The following KIF21B variants were observed in gnomAD, a reference collection of about 807,000 sequenced individuals.
KIF21B encodes kinesin family member 21B, also known as kinesin-like protein KIF21B.
Under a neutral mutation model 192.9 loss-of-function variants are expected in KIF21B, and 85 were observed. The ratio of observed to expected loss-of-function variants is 0.44; its 90% CI spans 0.37 to 0.53. The LOEUF (loss-of-function observed/expected upper bound fraction) is 0.53, where lower values mean the gene tolerates loss of function less well. KIF21B is among the 20% of genes least tolerant of loss of function. The probability of loss-of-function intolerance (pLI) is 0.00; values close to 1 mark genes in which losing one functional copy is unlikely to be tolerated. For missense variants in KIF21B, 1,716 were observed against 2,194.8 expected (o/e 0.78, Z 4.36); for synonymous variants, 832 against 884.6 (o/e 0.94, Z 1.05).
At chr1:201,022,436 C>A (rs1438063827) in intron 1 of KIF21B, among the ~76,000 whole-genome samples, 4 of 152,196 alleles carry the variant, frequency 2.6e-5, no homozygotes, top group Admixed American at 2.6e-4. Flanking sequence ...AAGAGAAAAA[C>A]CCAAAGCAAA....
Position 201,000,452 on chromosome 1 carries a change from G to T in KIF21B, c.1623C>A (p.Ile541=), listed in dbSNP as rs766686164. The change falls in exon 11 of 35, where the codon ATC becomes ATA. Residue 541 remains isoleucine (I), a synonymous_variant. Coordinates refer to ENST00000461742, the MANE Select transcript of KIF21B (RefSeq NM_001252102.2). This position sits in a 1 kb window ranked among gnomAD's most constrained non-coding sequence, Gnocchi z 6.0. ...ASSMEDASEV[I]RRAKQDLERL... ...GCTCCAGGTCCTGCTTGGCCCTGCGGATCACCTCCGAGGCATCCTCCATGG... is the reference window on the plus strand; with the variant it reads ...GCTCCAGGTCCTGCTTGGCCCTGCGTATCACCTCCGAGGCATCCTCCATGG... 9.9e-5 allele frequency: 156 copies of T among 1,582,284 alleles called. No homozygotes were observed. The highest frequency in any genetic ancestry group is 1.3e-4 in the Non-Finnish European group (150 of 1,166,498).
In KIF21B at chr1:201,023,368, C is replaced by G. The variant is rs996349208; in HGVS notation, c.16G>C (p.Asp6His). The change falls in exon 1 of 35, where the codon GAC (aspartate) becomes CAC (histidine). Residue 6 changes from aspartate to histidine, a missense_variant. Asp to His is a moderately conservative substitution (Grantham distance 81). Transcript: ENST00000461742. The surrounding 1 kb of genome is among the most constrained non-coding windows in gnomAD (Gnocchi z 5.9). MAGQG[D>H]CCVKVAVRIR... is the part of the protein sequence containing the mutation. ...CTGACGGCCACCTTGACGCAGCAGT[C>G]CCCCTGGCCGGCCATGGCCCTCTGG... is the stretch of plus-strand genomic sequence containing the variant. 6.5e-7 allele frequency: 1 copy of G among 1,528,516 alleles called. No individual in the cohort carries two copies. The highest frequency in any genetic ancestry group is 8.8e-7 in the Non-Finnish European group (1 of 1,140,206). The allele number at this position is 1,528,516 out of a possible 1,614,324, so 94.7% of individuals were successfully genotyped here.
At chr1:201,010,830 G>C (rs1003595831) in intron 1 of KIF21B, among the ~76,000 whole-genome samples, 1 of 152,204 alleles carries the variant, frequency 6.6e-6, no homozygotes, top group Non-Finnish European at 1.5e-5. Flanking sequence ...TGGGAAAGGT[G>C]CTCACCTGAG....
rs1657341328 is a variant in KIF21B at position 200,999,731 on chromosome 1, C to A, written c.1767+152G>T. 3 of 878,924 alleles carry A rather than the reference C, an allele frequency of 3.4e-6. No individual in the cohort carries two copies. In the Admixed American group the frequency reaches 5.8e-5, roughly 17 times the overall value. 54.4% of individuals were successfully genotyped at this position (878,924 alleles called of 1,614,324 possible). On this transcript the variant is annotated intron_variant, in intron 12 of 34. Coordinates refer to ENST00000461742, the MANE Select transcript of KIF21B (RefSeq NM_001252102.2). The surrounding 1 kb of genome is among the most constrained non-coding windows in gnomAD (Gnocchi z 4.7). Reference sequence around the variant, plus strand: ...TAGGGGATGGAGATCACCATGGTAACCAGTCAGAGATATAAGGAAGTACAA... The same window carrying A: ...TAGGGGATGGAGATCACCATGGTAAACAGTCAGAGATATAAGGAAGTACAA...
rs780157747 is a variant in KIF21B at position 200,992,424 on chromosome 1, G to T, written c.2278-35C>A. The stretch of plus-strand genomic sequence containing the variant: ...GCAGAGATTATGGTGGTGAGACAGG[G>T]CTGGGAGGCAGGTGGCCCACACTCT... On this transcript the variant is annotated intron_variant, in intron 15 of 34. Coordinates refer to ENST00000461742, the MANE Select transcript of KIF21B (RefSeq NM_001252102.2). 4 of 1,603,394 alleles carry T rather than the reference G, an allele frequency of 2.5e-6. No homozygotes were observed. The South Asian group carries it at 3.3e-5, about 13-fold the overall frequency.
chr1:201,012,447 C>T (rs1412928729), intron 1 of KIF21B, among the ~76,000 whole-genome samples: 1 of 152,218 alleles, frequency 6.6e-6, no homozygotes, highest in African/African-American at 2.4e-5. Flanking sequence ...GGCACCTCCA[C>T]AGGTTACCTT....
intron 27 of KIF21B, 62 bp downstream of exon 27, chr1:200,984,797 A>T: frequency 7.8e-7 from 1 of 1,279,802 alleles, no homozygotes; most frequent in Non-Finnish European, 1.1e-6. Context: ...AGCAAGGACC[A>T]TCCACAGGCT....
rs770655019 is a variant in KIF21B, at chr1:201,003,589, C to T, written c.1209G>A (p.Lys403=). 21 of 1,613,488 alleles carry T rather than the reference C, an allele frequency of 1.3e-5. No homozygotes were observed. In the South Asian group the frequency reaches 2.2e-4, roughly 17 times the overall value. The part of the protein sequence containing the change: ...ARLQMELMEY[K]AGKRVIGEDG... Reference sequence around the variant, plus strand: ...CAATGCCCAGGAGCATGCTCACCGCCTTATACTCCATCAGCTCCATCTGCA... The same window carrying T: ...CAATGCCCAGGAGCATGCTCACCGCTTTATACTCCATCAGCTCCATCTGCA... The change falls in exon 8 of 35, where the codon AAG becomes AAA. Residue 403 remains lysine (K), a synonymous_variant. Transcript: ENST00000461742.
At chr1:201,007,155 G>C (rs1215488909) in intron 3 of KIF21B, among the ~76,000 whole-genome samples, 1 of 93,066 alleles carries the variant, frequency 1.1e-5, no homozygotes, top group Non-Finnish European at 2.2e-5. Context: ...CACAGACACG[G>C]ACACAGAGAC....
At chr1:201,007,075 GACAC>G (rs1171658562) in intron 3 of KIF21B, among the ~76,000 whole-genome samples, 5 of 95,992 alleles carry the variant, frequency 5.2e-5, no homozygotes, top group Admixed American at 3.4e-4. Flanking sequence ...GACACACACA[GACAC>G]ACACACACAG....
At chr1:201,018,167 C>T (rs989296402) in intron 1 of KIF21B, among the ~76,000 whole-genome samples, 6 of 152,206 alleles carry the variant, frequency 3.9e-5, no homozygotes, top group African/African-American at 1.4e-4. Flanking sequence ...GGAGACCTAG[C>T]ACACATGGGG....
rs780302333 is a variant in KIF21B, at chr1:201,000,800, A to G, written c.1403-20T>C. ...CATCGCCTGGAGTGGGACGGCGGGA[A>G]GAAGGGTGCGATAAAGAAGATAAAT... On this transcript the variant is annotated intron_variant, in intron 9 of 34. Transcript: ENST00000461742. This position sits in a 1 kb window ranked among gnomAD's most constrained non-coding sequence, Gnocchi z 6.0. 9.3e-6 allele frequency: 15 copies of G among 1,613,994 alleles called. No homozygotes were observed. The highest frequency in any genetic ancestry group is 2.2e-5 in the East Asian group (1 of 44,882).
Position 201,005,640 on chromosome 1 carries a change from G to A in KIF21B, c.502C>T (p.Arg168Cys), listed in dbSNP as rs778672911. Residue 168 changes from arginine (R) to cysteine (C), a missense_variant, in exon 4 of 35, where the codon CGC (arginine) becomes TGC (cysteine). Transcript: ENST00000461742. ...ATCTTGATGTTGGACCTGCGGTGGCGGGTGTCAGGGTCACGGGTGCTGTCA... is the reference window on the plus strand; with the variant it reads ...ATCTTGATGTTGGACCTGCGGTGGCAGGTGTCAGGGTCACGGGTGCTGTCA... ...LFDSTRDPDTRHRRSNIKIHE... is the reference protein window; with the variant it reads ...LFDSTRDPDTCHRRSNIKIHE... 1.5e-5 allele frequency: 25 copies of A among 1,614,016 alleles called. No individual in the cohort carries two copies. The highest frequency in any genetic ancestry group is 2.2e-5 in the East Asian group (1 of 44,896).
Position 201,000,391 on chromosome 1 carries a change from T to A in KIF21B, c.1684A>T (p.Ser562Cys). The A allele has an allele frequency of 6.4e-7, 1 of 1,551,768 alleles. No homozygotes were observed. Among genetic ancestry groups the A allele is most frequent in the Non-Finnish European group, 8.6e-7 (1 of 1,157,394 alleles). ...KKKEVRQRRK[S>C]PEKEAFKKRA... ...GGGCGGGGACGACACTCCACTCACCTCTTCCTCCGCTGCCTGACCTCCTTC... is the reference window on the plus strand; with the variant it reads ...GGGCGGGGACGACACTCCACTCACCACTTCCTCCGCTGCCTGACCTCCTTC... Residue 562 changes from serine to cysteine, a missense_variant and splice_region_variant, in exon 11 of 35, where the codon AGC (serine) becomes TGC (cysteine). Ser to Cys is a moderately radical substitution (Grantham distance 112). Coordinates refer to ENST00000461742, the MANE Select transcript of KIF21B (RefSeq NM_001252102.2). This position sits in a 1 kb window ranked among gnomAD's most constrained non-coding sequence, Gnocchi z 6.0.
intron 34 of KIF21B, chr1:200,974,315 G>C (rs1264334988): frequency 3.3e-6 from 4 of 1,219,570 alleles, no homozygotes; most frequent in Non-Finnish European, 4.5e-6. Context: ...CCATGGGACA[G>C]AGGGCCTGGC....
At chr1:200,997,522 A>C (rs1313146445) in intron 14 of KIF21B, among the ~76,000 whole-genome samples, 1 of 152,228 alleles carries the variant, frequency 6.6e-6, no homozygotes, top group Non-Finnish European at 1.5e-5. Context: ...AGGAAGGCGG[A>C]TCACAAGGTC....
rs931241636 is a variant in KIF21B, at chr1:200,998,712, T to C, written c.1886-137A>G. 7.2e-6 allele frequency: 5 copies of C among 693,136 alleles called. No individual in the cohort carries two copies. The African/African-American group carries it at 9.0e-5, about 12-fold the overall frequency. 42.9% of individuals were successfully genotyped at this position (693,136 alleles called of 1,614,324 possible). A position where few individuals can be genotyped will look rare whatever the true frequency, so the allele number is the denominator to read the frequency against. On this transcript the variant is annotated intron_variant, in intron 13 of 34. Transcript: ENST00000461742. The surrounding 1 kb of genome is among the most constrained non-coding windows in gnomAD (Gnocchi z 4.3). ...AGTGACCAGAGACTGGGCAAAATGA[T>C]AAATCCTAATGCAGGTAGAATGCGG...
intron 6 of KIF21B, 114 bp from the exon 7 acceptor site, chr1:201,004,569 G>T (rs769869997): frequency 1.5e-5 from 17 of 1,147,862 alleles, no homozygotes; most frequent in Middle Eastern, 1.9e-4. Flanking sequence ...CAGCCCTCTT[G>T]CTCCTTGGGT....
chr1:201,000,699 C>T lies in KIF21B; in HGVS notation c.1466+18G>A, dbSNP rs1025984418. 1.1e-5 allele frequency: 18 copies of T among 1,614,062 alleles called. No homozygotes were observed. In the East Asian group the frequency reaches 3.6e-4, roughly 32 times the overall value. ...AGGCCCCCAGCCCGCGCACACCTGC[C>T]GGAGCTCACTCACTCACCGTAGCTC... On this transcript the variant is annotated intron_variant, in intron 10 of 34. Transcript: ENST00000461742. The surrounding 1 kb of genome is among the most constrained non-coding windows in gnomAD (Gnocchi z 6.0).
Sources: gnomAD v4.1 joint callset for allele counts (sites outside exome capture counted in the v4.1 genomes callset) on GRCh38, gnomAD v4.1.1 for gene constraint, Gnocchi (gnomAD v3.1) non-coding constraint, MANE v1.5 for transcripts, NCBI Gene and HGNC (gene_info 2026-07-23, HGNC 2026-07-21) for gene names.